Variants in CR1L observed in about 807,000 individuals in gnomAD.
CR1L encodes complement C3b/C4b receptor 1 like, also known as complement component receptor 1-like protein.
Under a neutral mutation model 62.3 loss-of-function variants are expected in CR1L, and 59 were observed. That is an observed-to-expected ratio of 0.95 (90% CI 0.77 to 1.18). The LOEUF (loss-of-function observed/expected upper bound fraction) is 1.18, where lower values mean the gene tolerates loss of function less well. CR1L is among the 50% of genes most tolerant of loss of function. The pLI is 0.00. For missense variants in CR1L, 700 were observed against 702.8 expected (o/e 1.00, Z 0.04); for synonymous variants, 279 against 248.7 (o/e 1.12, Z -1.15).
Position 207,677,519 on chromosome 1 carries a change from C to G in CR1L, c.228C>G (p.Ile76Met), listed in dbSNP as rs530003963. ...GTTATTCCGGAAGACCGTTTTCTAT[C>G]ATCTGCCTAAAAAACTCAGTCTGGA... Reference protein sequence around the residue: ...RPGYSGRPFSIICLKNSVWTS... With the variant: ...RPGYSGRPFSMICLKNSVWTS... Residue 76 changes from isoleucine to methionine, a missense_variant, in exon 2 of 12, where the codon ATC becomes ATG. Ile to Met is a conservative substitution (Grantham distance 10, BLOSUM62 1). Coordinates refer to ENST00000508064, the MANE Select transcript of CR1L (RefSeq NM_175710.2). 6.2e-7 allele frequency: 1 copy of G among 1,613,908 alleles called. No homozygotes were observed. Among genetic ancestry groups the G allele is most frequent in the African/African-American group, 1.3e-5 (1 of 75,014 alleles).
chr1:207,651,031 C>A (rs34775017), intron 1 of CR1L, among the ~76,000 whole-genome samples: 1 of 151,932 alleles, frequency 6.6e-6, no homozygotes, highest in Non-Finnish European at 1.5e-5. Context: ...GTGATCCGCC[C>A]GCCTCGGCCT....
intron 11 of CR1L, 68 bp from the exon 12 acceptor site, chr1:207,723,550 C>A: frequency 1.6e-6 from 2 of 1,288,230 alleles, no homozygotes. Context: ...TTGTCACTGG[C>A]TGAGAAGTCC....
intron 3 of CR1L, among the ~76,000 whole-genome samples, chr1:207,683,357 G>A (rs1213432447): frequency 3.9e-5 from 6 of 151,920 alleles, no homozygotes; most frequent in Non-Finnish European, 5.9e-5. Flanking sequence ...GGCTTCTCTC[G>A]AACTCCTGAG....
chr1:207,653,491 C>A (rs1663260763), intron 1 of CR1L, among the ~76,000 whole-genome samples: 1 of 152,210 alleles, frequency 6.6e-6, no homozygotes, highest in Non-Finnish European at 1.5e-5. Context: ...AATCTGCAAA[C>A]TCTTAGAGTT....
chr1:207,697,372 A>C, intron 5 of CR1L, 131 bp from the exon 6 acceptor site: 1 of 1,563,676 alleles, frequency 6.4e-7, no homozygotes. Flanking sequence ...GTTTGTTATC[A>C]ATGTAATAAG....
chr1:207,672,450 A>G (rs1190935129), intron 1 of CR1L, among the ~76,000 whole-genome samples: 2 of 143,480 alleles, frequency 1.4e-5, no homozygotes, highest in Non-Finnish European at 2.9e-5. Context: ...CAGCACCTTT[A>G]TCTTTTCTGA....
chr1:207,661,680 C>A (rs1445905838), intron 1 of CR1L, among the ~76,000 whole-genome samples: 2 of 152,088 alleles, frequency 1.3e-5, no homozygotes, highest in African/African-American at 4.8e-5. Flanking sequence ...GAATTTGATC[C>A]TGTCATTATG....
intron 1 of CR1L, chr1:207,655,288 T>A: frequency 3.2e-5 from 5 of 155,052 alleles, no homozygotes; most frequent in Non-Finnish European, 6.8e-5. Context: ...AAGTAAATTC[T>A]TTTTTTTTTT....
At chr1:207,705,856 C>T (rs779309454) in intron 9 of CR1L, among the ~76,000 whole-genome samples, 4 of 151,910 alleles carry the variant, frequency 2.6e-5, no homozygotes, top group Non-Finnish European at 5.9e-5. Flanking sequence ...ACCAGGAAAA[C>T]TTTCAGAACA....
rs113806677 is a variant in CR1L, at chr1:207,717,473, G to A, written c.1424G>A (p.Cys475Tyr). 5.3e-3 allele frequency: 8,582 copies of A among 1,613,248 alleles called. 404 individuals are homozygous for A. The African/African-American group carries it at 0.1, about 20-fold the overall frequency. Residue 475 changes from cysteine (C) to tyrosine (Y), a missense_variant, in exon 11 of 12, where the codon TGT (cysteine) becomes TAT (tyrosine). Transcript: ENST00000508064. ...CTTGTTTTCTTTCTAGAAATCTTTTGTCCAAATCCTCCAGCTATCCTTAAT... is the reference window on the plus strand; with the variant it reads ...CTTGTTTTCTTTCTAGAAATCTTTTATCCAAATCCTCCAGCTATCCTTAAT... ...MKPPICQQIF[C>Y]PNPPAILNGR... is the part of the protein sequence containing the mutation.
rs1245946789 is a variant in CR1L, at chr1:207,721,450, T to C, written c.1643-2168T>C. ...AGTGAGAATATGCGGTGTTTGGTTT[T>C]TCGTTCTTGCGATAGTTTACTGAGA... is the stretch of plus-strand genomic sequence containing the variant. On this transcript the variant is annotated intron_variant, in intron 11 of 11. Transcript: ENST00000508064. Among the ~76,000 whole-genome samples, 6 of 151,312 alleles carry C rather than the reference T, an allele frequency of 4.0e-5. No homozygotes were observed. The East Asian group carries it at 1.2e-3, about 30-fold the overall frequency.
chr1:207,659,099 TG>T (rs1663365652), intron 1 of CR1L: 1 of 152,504 alleles, frequency 6.6e-6, no homozygotes, highest in Non-Finnish European at 1.5e-5. Flanking sequence ...CAGTCTGACC[TG>T]GGCAAGCAAG....
intron 10 of CR1L, chr1:207,710,620 T>C: frequency 6.2e-7 from 1 of 1,610,020 alleles, no homozygotes; most frequent in Non-Finnish European, 8.5e-7. Context: ...CACCTCCAAA[T>C]GTGGAAAATG....
intron 4 of CR1L, 79 bp from the exon 5 acceptor site, chr1:207,694,274 G>A: frequency 1.3e-6 from 2 of 1,537,486 alleles, no homozygotes; most frequent in Non-Finnish European, 1.8e-6. Flanking sequence ...AATAATGAAT[G>A]TAAAAATAGT....
chr1:207,677,007 GT>G (rs1436162498), intron 1 of CR1L, among the ~76,000 whole-genome samples: 52 of 152,164 alleles, frequency 3.4e-4, no homozygotes, highest in African/African-American at 1.3e-3. Flanking sequence ...CATCTATGCA[GT>G]ATATTTGAGA....
chr1:207,722,204 C>T (rs559145380), intron 11 of CR1L, among the ~76,000 whole-genome samples: 2,484 of 107,270 alleles, frequency 0.023, 152 homozygotes, highest in African/African-American at 0.077. Context: ...TAATTAGATC[C>T]CATTTGTCAA....
At chr1:207,660,242 A>G (rs1039786296) in intron 1 of CR1L, among the ~76,000 whole-genome samples, 4 of 152,228 alleles carry the variant, frequency 2.6e-5, no homozygotes, top group Admixed American at 6.5e-5. Context: ...TGACCCCCGT[A>G]TAGCCTAACT....
At chr1:207,699,529 A>T (rs988004262) in intron 8 of CR1L, among the ~76,000 whole-genome samples, 5 of 152,146 alleles carry the variant, frequency 3.3e-5, no homozygotes, top group Non-Finnish European at 4.4e-5. Context: ...CTAGGTCAGG[A>T]GAGATTAGAT....
chr1:207,652,257 A>G (rs1404009030), intron 1 of CR1L, among the ~76,000 whole-genome samples: 1 of 152,228 alleles, frequency 6.6e-6, no homozygotes, highest in African/African-American at 2.4e-5. Flanking sequence ...ATGTGGAGAA[A>G]GATGCATCCA....
Sources: gnomAD v4.1 joint callset for allele counts (sites outside exome capture counted in the v4.1 genomes callset) on GRCh38, gnomAD v4.1.1 for gene constraint, MANE v1.5 for transcripts, NCBI Gene and HGNC (gene_info 2026-07-23, HGNC 2026-07-21) for gene names.